PKD1L1: variants seen among roughly 807,000 people sequenced by gnomAD.
PKD1L1 encodes the protein polycystin 1 like 1, transient receptor potential channel interacting, also known as polycystin-1-like protein 1.
A neutral mutation model predicts 323.4 loss-of-function variants in PKD1L1; 236 were observed. The ratio of observed to expected loss-of-function variants is 0.73; its 90% CI spans 0.66 to 0.81. The LOEUF is 0.81. PKD1L1 is among the 40% of genes least tolerant of loss of function. The pLI is 0.00. For missense variants in PKD1L1, 3,320 were observed against 3,508.0 expected (o/e 0.95, Z 1.35); for synonymous variants, 1,344 against 1,335.0 (o/e 1.01, Z -0.15).
At position 47,792,640 on chromosome 7, in the gene PKD1L1, T is replaced by C; in HGVS notation, c.8513A>G (p.Tyr2838Cys). The C allele has an allele frequency of 1.2e-6, 2 of 1,612,454 alleles. No homozygotes were observed. The highest frequency in any genetic ancestry group is 2.2e-5 in the South Asian group (2 of 90,798). ...GCATGGTCTTACCTCAGCAGCTTGGTAACTAGAAATGTCCACTAAGGGACT... is the reference window on the plus strand; with the variant it reads ...GCATGGTCTTACCTCAGCAGCTTGGCAACTAGAAATGTCCACTAAGGGACT... ...EESPLVDISS[Y>C]QAAEPADIKD... The change falls in exon 56 of 57, where the codon TAC becomes TGC. Residue 2838 changes from tyrosine (Y) to cysteine (C), a missense_variant. By Grantham distance (194) the Tyr-to-Cys change is radical. Coordinates refer to ENST00000289672, the MANE Select transcript of PKD1L1 (RefSeq NM_138295.5).
chr7:47,894,876 G>T (rs541118751), intron 14 of PKD1L1, among the ~76,000 whole-genome samples: 1 of 150,160 alleles, frequency 6.7e-6, no homozygotes, highest in Admixed American at 6.6e-5. Flanking sequence ...AAAAACTGAC[G>T]CAATTTGAAA....
In PKD1L1 at chr7:47,855,257, T is replaced by C. The variant is rs1274085112; in HGVS notation, c.4599A>G (p.Gly1533=). ...AGGTATAGAGGTTGAGGCCCACAACTCCACCAATCTTGGGGAACAAAGACC... is the reference window on the plus strand; with the variant it reads ...AGGTATAGAGGTTGAGGCCCACAACCCCACCAATCTTGGGGAACAAAGACC... The part of the protein sequence containing the change: ...PGSQAPGQIG[G]VVGLNLYTCS... Residue 1533 remains glycine, a synonymous_variant, in exon 29 of 57, where the codon GGA becomes GGG. Coordinates refer to ENST00000289672, the MANE Select transcript of PKD1L1 (RefSeq NM_138295.5). 1.9e-6 allele frequency: 3 copies of C among 1,611,664 alleles called. No individual in the cohort carries two copies. The highest frequency in any genetic ancestry group is 2.5e-6 in the Non-Finnish European group (3 of 1,178,474).
rs75294716 is a variant in PKD1L1 at position 47,902,558 on chromosome 7, C to T, written c.1932-47G>A. On this transcript the variant is annotated intron_variant, in intron 12 of 56. Transcript: ENST00000289672. ...AAATGAACAAATTTATGTTGATGAA[C>T]GTCAGGCTTTCATTCACTCTTCATA... The T allele has an allele frequency of 5.4e-4, 857 of 1,594,628 alleles. 7 individuals are homozygous for T. The African/African-American group carries it at 9.2e-3, about 17-fold the overall frequency.
intron 51 of PKD1L1, 36 bp from the exon 52 acceptor site, chr7:47,808,423 C>T (rs1784827633): frequency 6.2e-7 from 1 of 1,611,904 alleles, no homozygotes; most frequent in Admixed American, 1.7e-5. Context: ...CAGATGGCTC[C>T]TGAGGAAGGG....
At chr7:47,784,080 A>T (rs1016607951) in intron 56 of PKD1L1, among the ~76,000 whole-genome samples, 5 of 152,210 alleles carry the variant, frequency 3.3e-5, no homozygotes, top group Admixed American at 6.5e-5. Context: ...TCTAAATAAA[A>T]GGGATTAACA....
intron 21 of PKD1L1, among the ~76,000 whole-genome samples, chr7:47,880,284 A>ATATTTTTTT (rs1225214936): frequency 1.8e-5 from 1 of 56,782 alleles, no homozygotes; most frequent in African/African-American, 1.1e-4. Context: ...ATATATATAT[A>ATATTTTTTT]TTTTTTTTTT....
intron 16 of PKD1L1, among the ~76,000 whole-genome samples, chr7:47,889,751 C>T (rs1442407874): frequency 1.3e-5 from 2 of 152,200 alleles, no homozygotes; most frequent in Non-Finnish European, 2.9e-5. Flanking sequence ...GTTCGATCTG[C>T]CCAGGGCCTT....
In PKD1L1 at chr7:47,905,925, T is replaced by G; in HGVS notation, c.1440A>C (p.Ser480=). 1 of 1,613,040 alleles carries G rather than the reference T, an allele frequency of 6.2e-7. No individual in the cohort carries two copies. Among genetic ancestry groups the G allele is most frequent in the Non-Finnish European group, 8.5e-7 (1 of 1,179,560 alleles). The change falls in exon 10 of 57, where the codon TCA becomes TCC. Residue 480 remains serine (S), a synonymous_variant. Transcript: ENST00000289672. ...VVIHHFPSIP[S]YNVSFISQTQ... Reference sequence around the variant, plus strand: ...TCTGAGAAATAAAGGACACGTTATATGAAGGAATAGATGGAAAGTGATGTA... The same window carrying G: ...TCTGAGAAATAAAGGACACGTTATAGGAAGGAATAGATGGAAAGTGATGTA...
At chr7:47,795,909 C>G (rs1784515272) in intron 55 of PKD1L1, 80 bp downstream of exon 55, 1 of 1,507,400 alleles carries the variant, frequency 6.6e-7, no homozygotes, top group Non-Finnish European at 9.0e-7. Context: ...GCTTTGATAA[C>G]TGAAAGCAAA....
chr7:47,894,206 T>TA lies in PKD1L1; in HGVS notation c.2272-148dup, dbSNP rs1786887824. On this transcript the variant is annotated intron_variant, in intron 14 of 56. Transcript: ENST00000289672. Reference sequence around the variant, plus strand: ...ACTAAAACAGTCTTGGTAGTCAAAATAACCACTCTACTGTACGACATGAGA... The same window carrying TA: ...ACTAAAACAGTCTTGGTAGTCAAAATAAACCACTCTACTGTACGACATGAGA... The TA allele has an allele frequency of 6.2e-6, 4 of 644,556 alleles. No individual in the cohort carries two copies. The Admixed American group carries it at 1.0e-4, about 16-fold the overall frequency. 39.9% of individuals were successfully genotyped at this position (644,556 alleles called of 1,614,324 possible). A position where few individuals can be genotyped will look rare whatever the true frequency, so the allele number is the denominator to read the frequency against.
Position 47,829,437 on chromosome 7 carries a change from G to A in PKD1L1, c.6723C>T (p.Gly2241=), listed in dbSNP as rs1401530172. 6.8e-6 allele frequency: 11 copies of A among 1,605,858 alleles called. No individual in the cohort carries two copies. Among genetic ancestry groups the A allele is most frequent in the Admixed American group, 5.2e-5 (3 of 57,708 alleles). Residue 2241 remains glycine, a synonymous_variant, in exon 44 of 57, where the codon GGC becomes GGT. Coordinates refer to ENST00000289672, the MANE Select transcript of PKD1L1 (RefSeq NM_138295.5). The part of the protein sequence containing the change: ...SSSCSIPDCA[G]EVEKVLAARQ... ...TAATTTTTTTTACTTTTTCAACCTC[G>A]CCTGCACAGTCAGGAATACTGCAGC...
rs150715660 is a variant in PKD1L1 at position 47,857,813 on chromosome 7, T to C, written c.4382A>G (p.His1461Arg). The C allele has an allele frequency of 5.0e-6, 8 of 1,614,062 alleles. No homozygotes were observed. In the South Asian group the frequency reaches 5.5e-5, roughly 11 times the overall value. The change falls in exon 28 of 57, where the codon CAT becomes CGT. Residue 1461 changes from histidine to arginine, a missense_variant. Transcript: ENST00000289672. Reference sequence around the variant, plus strand: ...GAACTCCATCTGCCCAGTGCTAACATGGTTCAAAGAGAGACAACCCTGAAA... The same window carrying C: ...GAACTCCATCTGCCCAGTGCTAACACGGTTCAAAGAGAGACAACCCTGAAA... ...DLLLGCLSLN[H>R]VSTGQMEFRT...
intron 8 of PKD1L1, 28 bp downstream of exon 8, chr7:47,915,404 T>G: frequency 1.3e-6 from 1 of 798,406 alleles, no homozygotes; most frequent in Non-Finnish European, 2.3e-6. Context: ...CCACTCCTTG[T>G]GGCCTCTTTT....
intron 26 of PKD1L1, 83 bp from the exon 27 acceptor site, chr7:47,858,968 T>G: frequency 3.3e-6 from 5 of 1,502,436 alleles, no homozygotes; most frequent in Non-Finnish European, 4.6e-6. Flanking sequence ...AGAACCGCAC[T>G]CATAAAGCTT....
At chr7:47,940,632 C>G (rs1334358639) in intron 2 of PKD1L1, among the ~76,000 whole-genome samples, 1 of 152,148 alleles carries the variant, frequency 6.6e-6, no homozygotes, top group Non-Finnish European at 1.5e-5. Context: ...TAATGAGGGT[C>G]AAAGGTCCTG....
intron 56 of PKD1L1, among the ~76,000 whole-genome samples, chr7:47,782,925 G>T (rs978850247): frequency 6.6e-6 from 1 of 152,138 alleles, no homozygotes; most frequent in Admixed American, 6.6e-5. Context: ...CTCCCAAACC[G>T]CTGGGGAAAT....
chr7:47,813,049 C>A, intron 49 of PKD1L1, 72 bp downstream of exon 49: 1 of 1,524,592 alleles, frequency 6.6e-7, no homozygotes, highest in Non-Finnish European at 8.9e-7. Context: ...AGATGCGCTG[C>A]GTCCAGCAGG....
chr7:47,899,045 C>A (rs571540842), intron 13 of PKD1L1, among the ~76,000 whole-genome samples: 3 of 152,344 alleles, frequency 2.0e-5, no homozygotes, highest in South Asian at 4.1e-4. Flanking sequence ...AGCTGGGGCA[C>A]TAGTTACTTC....
At chr7:47,897,898 T>G (rs1583657807) in intron 14 of PKD1L1, 90 bp downstream of exon 14, 4 of 1,018,172 alleles carry the variant, frequency 3.9e-6, no homozygotes, top group Non-Finnish European at 2.8e-6. Context: ...ATCGAACAGG[T>G]GTTGAATTCC....
Sources: allele counts gnomAD v4.1 joint callset (sites outside exome capture counted in the v4.1 genomes callset), GRCh38; gene constraint gnomAD v4.1.1; transcripts MANE v1.5; gene names NCBI Gene and HGNC (gene_info 2026-07-23, HGNC 2026-07-21).